NELL1: variants seen among roughly 807,000 people sequenced by gnomAD.
NELL1 encodes the protein protein kinase C-binding protein NELL1.
Under a neutral mutation model 107.4 loss-of-function variants are expected in NELL1, and 76 were observed. That is an observed-to-expected ratio of 0.71 (90% CI 0.59 to 0.86). NELL1 has a LOEUF of 0.86. Ranked by LOEUF, NELL1 falls within the 40% of genes least tolerant of loss-of-function variation. The pLI is 0.00. For synonymous variants in NELL1, 353 were observed against 341.2 expected, an observed-to-expected ratio of 1.03 and a Z score of -0.38; for missense variants, 1,024 against 1,005.5, an observed-to-expected ratio of 1.02 and a Z score of -0.25.
intron 2 of NELL1, among the ~76,000 whole-genome samples, chr11:20,704,892 T>C (rs2133886713): frequency 6.6e-6 from 1 of 152,300 alleles, no homozygotes; most frequent in Admixed American, 6.5e-5. Context: ...AGCCAAATCA[T>C]GAGTGAACTC....
chr11:21,486,749 T>C (rs371712233), intron 15 of NELL1, among the ~76,000 whole-genome samples: 144 of 152,206 alleles, frequency 9.5e-4, no homozygotes, highest in Middle Eastern at 3.4e-3. Flanking sequence ...AGGATATGAA[T>C]TTAAAAATTA....
intron 15 of NELL1, among the ~76,000 whole-genome samples, chr11:21,392,073 T>G (rs780175251): frequency 2.6e-5 from 4 of 151,800 alleles, no homozygotes; most frequent in Non-Finnish European, 5.9e-5. Flanking sequence ...GACAAAAGAT[T>G]GTAAAATTCA....
intron 5 of NELL1, among the ~76,000 whole-genome samples, chr11:20,915,717 A>ATATATATATATTTTT: frequency 1.7e-5 from 1 of 58,218 alleles, no homozygotes; most frequent in African/African-American, 8.8e-5. Context: ...ATATATATAT[A>ATATATATATATTTTT]TTTTTTTTTT....
rs140393170 is a variant in NELL1 at position 20,721,806 on chromosome 11, C to T, written c.184+43746C>T. 2.4e-3 allele frequency among the ~76,000 whole-genome samples: 366 copies of T among 152,182 alleles called. 3 individuals are homozygous for T. Among genetic ancestry groups the T allele is most frequent in the African/African-American group, 8.5e-3 (351 of 41,514 alleles). The stretch of plus-strand genomic sequence containing the variant: ...CAAAGGGTAAAGAGAAGGACTTTGG[C>T]TTTGGCACAGAGATCTAACTGTAGT... On this transcript the variant is annotated intron_variant, in intron 2 of 19. Coordinates refer to ENST00000357134, the MANE Select transcript of NELL1 (RefSeq NM_006157.5).
At chr11:21,518,828 T>G (rs746391432) in intron 15 of NELL1, among the ~76,000 whole-genome samples, 2 of 152,226 alleles carry the variant, frequency 1.3e-5, no homozygotes, top group Admixed American at 6.5e-5. Context: ...CTTTCAGACT[T>G]GTTTCCTTTA....
intron 12 of NELL1, among the ~76,000 whole-genome samples, chr11:21,074,653 G>T (rs1260036961): frequency 7.6e-6 from 1 of 131,726 alleles, no homozygotes; most frequent in Non-Finnish European, 1.6e-5. Context: ...GATTTAATTA[G>T]CCTTGGGTGG....
intron 14 of NELL1, among the ~76,000 whole-genome samples, chr11:21,253,852 C>T (rs1858702850): frequency 6.6e-6 from 1 of 152,022 alleles, no homozygotes; most frequent in Non-Finnish European, 1.5e-5. Context: ...TATAAACAAG[C>T]AAATCAAGGC....
chr11:20,687,728 A>T (rs1854343120), intron 2 of NELL1, among the ~76,000 whole-genome samples: 1 of 151,770 alleles, frequency 6.6e-6, no homozygotes, highest in Non-Finnish European at 1.5e-5. Flanking sequence ...AGTAGCTGGG[A>T]TTACAGGTGC....
In NELL1 at chr11:20,783,653, C is replaced by G. The variant is rs779597858; in HGVS notation, c.185-27C>G. ...TCCTTCCTCTTCTCCTCTCCTGTTTCCTCCTGCTTTTCTTCTTGATTCCTA... is the reference window on the plus strand; with the variant it reads ...TCCTTCCTCTTCTCCTCTCCTGTTTGCTCCTGCTTTTCTTCTTGATTCCTA... On this transcript the variant is annotated intron_variant, in intron 2 of 19. Coordinates refer to ENST00000357134, the MANE Select transcript of NELL1 (RefSeq NM_006157.5). 3 of 1,588,860 alleles carry G rather than the reference C, an allele frequency of 1.9e-6. No homozygotes were observed. In the African/African-American group the frequency reaches 4.0e-5, roughly 21 times the overall value.
chr11:21,165,427 C>T (rs1309463022), intron 13 of NELL1, among the ~76,000 whole-genome samples: 1 of 152,142 alleles, frequency 6.6e-6, no homozygotes, highest in Non-Finnish European at 1.5e-5. Context: ...ACAATTCTGC[C>T]TGAATATCAA....
At chr11:21,217,025 G>T (rs949047430) in intron 13 of NELL1, among the ~76,000 whole-genome samples, 1 of 152,166 alleles carries the variant, frequency 6.6e-6, no homozygotes, top group Admixed American at 6.5e-5. Context: ...GACCCAGTGG[G>T]AAGTAATTTA....
chr11:21,167,008 T>G (rs1339785752), intron 13 of NELL1, among the ~76,000 whole-genome samples: 1 of 151,910 alleles, frequency 6.6e-6, no homozygotes, highest in Non-Finnish European at 1.5e-5. Flanking sequence ...CTTTATATAC[T>G]GAGTAACAGG....
At chr11:21,568,936 T>C (rs192333441) in intron 17 of NELL1, among the ~76,000 whole-genome samples, 56 of 151,742 alleles carry the variant, frequency 3.7e-4, no homozygotes, top group Non-Finnish European at 7.2e-4. Context: ...GTATACTAAA[T>C]ACATAAACCA....
intron 13 of NELL1, among the ~76,000 whole-genome samples, chr11:21,182,021 T>C (rs534952849): frequency 1.3e-5 from 2 of 152,060 alleles, no homozygotes; most frequent in South Asian, 2.1e-4. Flanking sequence ...ATGTAATAGA[T>C]AAGAATACAG....
chr11:21,179,862 CTTTTTTTTTTTTTT>C (rs1164420669), intron 13 of NELL1, among the ~76,000 whole-genome samples: 3 of 75,702 alleles, frequency 4.0e-5, no homozygotes, highest in African/African-American at 1.1e-4. Context: ...AATCAACACA[CTTTTTTTTTTTTTT>C]TTTTTTTTTT....
intron 12 of NELL1, among the ~76,000 whole-genome samples, chr11:20,965,705 A>G (rs1851374808): frequency 6.6e-6 from 1 of 152,198 alleles, no homozygotes; most frequent in Admixed American, 6.5e-5. Flanking sequence ...CTGATTAGCA[A>G]GGTGATTTAT....
At chr11:20,861,748 A>T (rs1415493765) in intron 4 of NELL1, among the ~76,000 whole-genome samples, 1 of 152,218 alleles carries the variant, frequency 6.6e-6, no homozygotes, top group African/African-American at 2.4e-5. Context: ...GAGCACAATG[A>T]GAGACAGTGT....
At chr11:21,410,817 T>C (rs551868295) in intron 15 of NELL1, among the ~76,000 whole-genome samples, 3 of 152,236 alleles carry the variant, frequency 2.0e-5, no homozygotes, top group East Asian at 1.9e-4. Flanking sequence ...CACTGGAGCA[T>C]ACGGCGTGTG....
At chr11:20,918,002 T>C (rs1850294306) in intron 5 of NELL1, among the ~76,000 whole-genome samples, 180 bp from the exon 6 acceptor site, 1 of 151,904 alleles carries the variant, frequency 6.6e-6, no homozygotes, top group African/African-American at 2.4e-5. Flanking sequence ...AATGTACAAT[T>C]TGAGATTCCT....
Sources: gnomAD v4.1 joint callset for allele counts (sites outside exome capture counted in the v4.1 genomes callset) on GRCh38, gnomAD v4.1.1 for gene constraint, MANE v1.5 for transcripts, NCBI Gene and HGNC (gene_info 2026-07-23, HGNC 2026-07-21) for gene names.